The following GINS1 variants were observed in gnomAD, a reference collection of about 807,000 sequenced individuals.
GINS1 encodes DNA replication complex GINS protein PSF1.
In GINS1, 26 loss-of-function variants were observed where a neutral mutation model predicts 34.9. The ratio of observed to expected loss-of-function variants is 0.74; its 90% CI spans 0.55 to 1.03. The LOEUF (loss-of-function observed/expected upper bound fraction) is 1.03, where lower values mean the gene tolerates loss of function less well. GINS1 is among the 50% of genes least tolerant of loss of function. The probability of loss-of-function intolerance (pLI) is 0.00; values close to 1 mark genes in which losing one functional copy is unlikely to be tolerated. For synonymous variants in GINS1, 97 were observed against 84.4 expected (o/e 1.15, Z -0.82); for missense variants, 235 against 237.9 (o/e 0.99, Z 0.08).
intron 5 of GINS1, among the ~76,000 whole-genome samples, chr20:25,426,535 T>G (rs569741766): frequency 6.6e-6 from 1 of 151,676 alleles, no homozygotes; most frequent in South Asian, 2.1e-4. Context: ...TTTTTTTTTC[T>G]TTTTTTTGAG....
intron 2 of GINS1, among the ~76,000 whole-genome samples, chr20:25,416,849 G>T (rs1208484353): frequency 1.3e-5 from 2 of 152,198 alleles, no homozygotes; most frequent in African/African-American, 2.4e-5. Context: ...AGATTAATCA[G>T]TGTGCAAAAA....
chr20:25,438,863 T>A (rs960635984), intron 5 of GINS1, among the ~76,000 whole-genome samples: 2 of 152,134 alleles, frequency 1.3e-5, no homozygotes, highest in Non-Finnish European at 2.9e-5. Context: ...CATGAGCCAC[T>A]GTGCCTGGCC....
chr20:25,413,992 TC>T, intron 2 of GINS1, 138 bp downstream of exon 2: 1 of 574,674 alleles, frequency 1.7e-6, no homozygotes, highest in Non-Finnish European at 3.2e-6. Flanking sequence ...GAGTTTGAGA[TC>T]AGCTTGGCCA....
At chr20:25,431,706 G>A (rs2090427928) in intron 5 of GINS1, among the ~76,000 whole-genome samples, 1 of 151,288 alleles carries the variant, frequency 6.6e-6, no homozygotes, top group South Asian at 2.1e-4. Context: ...GAGTAGCTGG[G>A]ACTGTAGGGG....
At position 25,445,946 on chromosome 20, in the gene GINS1, TGA is replaced by T. The variant is rs779996402; in HGVS notation, c.548_549del (p.Glu183AlafsTer44). 1 of 1,611,294 alleles carries T rather than the reference TGA, an allele frequency of 6.2e-7. No homozygotes were observed. ...SQHFLPRWKC[E>X]QLIRQGVLEH... ...AGCACTTTTTACCTCGATGGAAATG[TGA>T]GCAGCTGATCAGACAAGGAGTCCTG... On this transcript the variant is annotated frameshift_variant, in exon 7 of 7. Transcript: ENST00000262460. LOFTEE classifies it high-confidence loss of function.
At chr20:25,436,303 G>A (rs1414261912) in intron 5 of GINS1, among the ~76,000 whole-genome samples, 1 of 152,128 alleles carries the variant, frequency 6.6e-6, no homozygotes, top group Non-Finnish European at 1.5e-5. Context: ...TGATTATAAT[G>A]TGTCTCATTG....
At chr20:25,428,397 CTTTTTTTTTTT>C (rs544831869) in intron 5 of GINS1, among the ~76,000 whole-genome samples, 15 of 66,582 alleles carry the variant, frequency 2.3e-4, no homozygotes, top group Non-Finnish European at 3.2e-4. Context: ...AGCATAATTT[CTTTTTTTTTTT>C]TTTTTTTTTT....
In GINS1 at chr20:25,446,599, TA is replaced by T. The variant is rs2090513913; in HGVS notation, c.*610del. ...GGTCTGTAGAAATTTTCAGTATATA[TA>T]ATGTTTAATGACATACTAATTTATC... On this transcript the variant is annotated 3_prime_UTR_variant, in exon 7 of 7. Transcript: ENST00000262460. The T allele has an allele frequency of 2.0e-5, 3 of 152,342 alleles. No individual in the cohort carries two copies. The East Asian group carries it at 5.8e-4, about 29-fold the overall frequency. 9.4% of individuals were successfully genotyped at this position (152,342 alleles called of 1,614,324 possible). A position where few individuals can be genotyped will look rare whatever the true frequency, so the allele number is the denominator to read the frequency against.
chr20:25,413,660 G>A (rs2090301463), intron 1 of GINS1, 130 bp from the exon 2 acceptor site: 1 of 656,332 alleles, frequency 1.5e-6, no homozygotes, highest in East Asian at 2.7e-5. Flanking sequence ...AACCATGCTA[G>A]TGGGGTGTGA....
At chr20:25,442,370 G>A (rs6050619) in intron 6 of GINS1, among the ~76,000 whole-genome samples, 25,993 of 130,906 alleles carry the variant, frequency 0.2, 2,310 homozygotes, top group African/African-American at 0.24. Context: ...CTGTCTGTCT[G>A]TCTATCTATC....
intron 5 of GINS1, among the ~76,000 whole-genome samples, chr20:25,437,632 T>C (rs999730152): frequency 6.6e-6 from 1 of 152,254 alleles, no homozygotes; most frequent in Non-Finnish European, 1.5e-5. Flanking sequence ...AGGAGTTATT[T>C]ACATTACTTT....
chr20:25,434,297 A>C (rs2090442312), intron 5 of GINS1, among the ~76,000 whole-genome samples: 2 of 149,360 alleles, frequency 1.3e-5, no homozygotes, highest in South Asian at 4.3e-4. Context: ...CGCTGCCCAG[A>C]AAAAAAAAAC....
chr20:25,441,663 A>T (rs1349437939), intron 5 of GINS1, 39 bp from the exon 6 acceptor site: 1 of 1,030,338 alleles, frequency 9.7e-7, no homozygotes, highest in African/African-American at 1.6e-5. Context: ...GCATATTAAA[A>T]ACTAATTTAG....
In GINS1 at chr20:25,428,969, C is replaced by CTTTTTT. The variant is rs77113924; in HGVS notation, c.447+3674_447+3679dup. Among the ~76,000 whole-genome samples, 63 of 127,500 alleles carry CTTTTTT rather than the reference C, an allele frequency of 4.9e-4. 3 individuals carry two copies. Among genetic ancestry groups the CTTTTTT allele is most frequent in the Non-Finnish European group, 7.6e-4 (46 of 60,854 alleles). The allele number at this position is 127,500 out of a possible 152,430, so 83.6% of individuals were successfully genotyped here. A position where few individuals can be genotyped will look rare whatever the true frequency, so the allele number is the denominator to read the frequency against. On this transcript the variant is annotated intron_variant, in intron 5 of 6. Transcript: ENST00000262460. ...GGGTCCTCCACCTTCATTCCTCTCT[C>CTTTTTT]TTTTTTTTTTTTTTTTTTTTTTTTT... is the stretch of plus-strand genomic sequence containing the variant.
rs2090513750 is a variant in GINS1, at chr20:25,446,566, A to C, written c.*575A>C. ...CACATTTTCAAATCACATGCAAGTG[A>C]AGATGATGGTCTGTAGAAATTTTCA... is the stretch of plus-strand genomic sequence containing the variant. On this transcript the variant is annotated 3_prime_UTR_variant, in exon 7 of 7. Coordinates refer to ENST00000262460, the MANE Select transcript of GINS1 (RefSeq NM_021067.5). The C allele has an allele frequency of 6.6e-6, 1 of 152,272 alleles. No homozygotes were observed. The highest frequency in any genetic ancestry group is 2.1e-4 in the South Asian group (1 of 4,838). 9.4% of individuals were successfully genotyped at this position (152,272 alleles called of 1,614,324 possible).
intron 5 of GINS1, among the ~76,000 whole-genome samples, chr20:25,432,233 C>G (rs2090431075): frequency 6.6e-6 from 1 of 151,984 alleles, no homozygotes. Context: ...TTTCTCAGTA[C>G]TGCTTTTGCT....
At position 25,425,195 on chromosome 20, in the gene GINS1, A is replaced by G. The variant is rs1299148069; in HGVS notation, c.331-16A>G. On this transcript the variant is annotated splice_polypyrimidine_tract_variant and intron_variant, in intron 4 of 6. Transcript: ENST00000262460. ...TTTCTTAGAATTTTGTCAAATGATC[A>G]TCTCTATGTTTGCAGATGGAGTGGT... is the stretch of plus-strand genomic sequence containing the variant. 9.4e-7 allele frequency: 1 copy of G among 1,061,124 alleles called. No homozygotes were observed. The highest frequency in any genetic ancestry group is 2.4e-5 in the East Asian group (1 of 42,372). The allele number at this position is 1,061,124 out of a possible 1,614,324, so 65.7% of individuals were successfully genotyped here. A position where few individuals can be genotyped will look rare whatever the true frequency, so the allele number is the denominator to read the frequency against.
chr20:25,444,653 C>G (rs2090501290), intron 6 of GINS1, among the ~76,000 whole-genome samples: 1 of 152,124 alleles, frequency 6.6e-6, no homozygotes, highest in South Asian at 2.1e-4. Flanking sequence ...AAAAGCCTTC[C>G]TGCCTTGCTT....
At chr20:25,408,810 G>T (rs771818595) in intron 1 of GINS1, 96 of 513,532 alleles carry the variant, frequency 1.9e-4, no homozygotes, top group Non-Finnish European at 2.3e-4. Flanking sequence ...AGAAAGCTAG[G>T]ATTTGAACCC....
Sources: allele counts gnomAD v4.1 joint callset (sites outside exome capture counted in the v4.1 genomes callset), GRCh38; gene constraint gnomAD v4.1.1; transcripts MANE v1.5; gene names NCBI Gene and HGNC (gene_info 2026-07-23, HGNC 2026-07-21).